ITGB3: variants seen among roughly 807,000 people sequenced by gnomAD.
ITGB3 encodes the protein integrin beta-3.
In ITGB3, 48 loss-of-function variants were observed where a neutral mutation model predicts 85.8. The ratio of observed to expected loss-of-function variants is 0.56; its 90% CI spans 0.44 to 0.71. The LOEUF is 0.71. Among genes scored for constraint, ITGB3 ranks in the 30% least tolerant of loss-of-function variants. ITGB3 has a pLI of 0.00. For synonymous variants in ITGB3, 363 were observed against 395.6 expected, an observed-to-expected ratio of 0.92 and a Z score of 0.98; for missense variants, 861 against 1,019.1, an observed-to-expected ratio of 0.84 and a Z score of 2.11.
chr17:47,259,702 C>T (rs2065002509), intron 1 of ITGB3, among the ~76,000 whole-genome samples: 1 of 152,130 alleles, frequency 6.6e-6, no homozygotes. Context: ...GAGTTCAAGA[C>T]CAGCCTGACC....
chr17:47,303,288 G>A (rs536995933), intron 13 of ITGB3, among the ~76,000 whole-genome samples: 1 of 151,778 alleles, frequency 6.6e-6, no homozygotes, highest in South Asian at 2.1e-4. Context: ...AAAAAAAAAC[G>A]ATAAGTTAGG....
chr17:47,286,526 C>A, intron 5 of ITGB3, 104 bp downstream of exon 5: 1 of 1,362,228 alleles, frequency 7.3e-7, no homozygotes, highest in Non-Finnish European at 1.0e-6. Context: ...GAGATGAGAA[C>A]TAAGCAGGGC....
intron 13 of ITGB3, chr17:47,305,660 G>A (rs1411991940): frequency 6.6e-6 from 1 of 152,186 alleles, no homozygotes. Context: ...AGATGACTAA[G>A]TATTTTGGGA....
intron 1 of ITGB3, among the ~76,000 whole-genome samples, chr17:47,272,289 C>T (rs1015930472): frequency 6.8e-6 from 1 of 146,608 alleles, no homozygotes; most frequent in African/African-American, 2.5e-5. Context: ...CTCCTGACCT[C>T]GTGATCCGCC....
rs192747801 is a variant in ITGB3, at chr17:47,281,593, C to G, written c.166-1761C>G. Among the ~76,000 whole-genome samples, 347 of 152,278 alleles carry G rather than the reference C, an allele frequency of 2.3e-3. 3 individuals carry two copies. The highest frequency in any genetic ancestry group is 3.4e-3 in the Middle Eastern group (1 of 294). ...CCTTCAATACTCAGGTTTAAGCACC[C>G]AGAGCCCCAGGGGGCCGTGGGTTTT... On this transcript the variant is annotated intron_variant, in intron 2 of 14. Coordinates refer to ENST00000559488, the MANE Select transcript of ITGB3 (RefSeq NM_000212.3).
intron 12 of ITGB3, among the ~76,000 whole-genome samples, chr17:47,301,160 C>A (rs1302519474): frequency 2.0e-5 from 3 of 152,144 alleles, no homozygotes; most frequent in Non-Finnish European, 4.4e-5. Context: ...AAAAATCTTG[C>A]CTGCAATTAT....
intron 14 of ITGB3, among the ~76,000 whole-genome samples, chr17:47,308,103 T>C (rs552529613): frequency 6.7e-6 from 1 of 150,364 alleles, no homozygotes; most frequent in East Asian, 1.9e-4. Context: ...TAGGTAGAGG[T>C]TGTAGTGAGC....
At chr17:47,288,577 G>A (rs1439169967) in intron 6 of ITGB3, among the ~76,000 whole-genome samples, 1 of 152,186 alleles carries the variant, frequency 6.6e-6, no homozygotes, top group Non-Finnish European at 1.5e-5. Flanking sequence ...AGGAGACTGA[G>A]CTGAGGATCT....
chr17:47,258,362 C>T (rs535908217), intron 1 of ITGB3, among the ~76,000 whole-genome samples: 3 of 152,112 alleles, frequency 2.0e-5, no homozygotes, highest in African/African-American at 4.8e-5. Flanking sequence ...TTTATTGAAA[C>T]GTGAGACTCT....
At chr17:47,285,296 A>G (rs1249382299) in intron 4 of ITGB3, among the ~76,000 whole-genome samples, 1 of 152,152 alleles carries the variant, frequency 6.6e-6, no homozygotes, top group Non-Finnish European at 1.5e-5. Flanking sequence ...GAGCCTGAAA[A>G]GGTGTGAATT....
At chr17:47,296,152 C>G (rs2065145258) in intron 10 of ITGB3, among the ~76,000 whole-genome samples, 1 of 152,212 alleles carries the variant, frequency 6.6e-6, no homozygotes, top group Admixed American at 6.5e-5. Flanking sequence ...CGGGACACAG[C>G]CTTTCTGCTT....
intron 1 of ITGB3, among the ~76,000 whole-genome samples, chr17:47,263,404 G>A (rs1473632753): frequency 6.6e-6 from 1 of 152,108 alleles, no homozygotes; most frequent in Non-Finnish European, 1.5e-5. Flanking sequence ...TGAAGTGTCA[G>A]CTCCACAGAG....
At position 47,299,450 on chromosome 17, in the gene ITGB3, C is replaced by T. The variant is rs898481102; in HGVS notation, c.1833C>T (p.Ser611=). 1.9e-6 allele frequency: 3 copies of T among 1,614,140 alleles called. No homozygotes were observed. The highest frequency in any genetic ancestry group is 1.7e-6 in the Non-Finnish European group (2 of 1,180,066). The change falls in exon 11 of 15, where the codon AGC becomes AGT. Residue 611 remains serine (S), a synonymous_variant. Coordinates refer to ENST00000559488, the MANE Select transcript of ITGB3 (RefSeq NM_000212.3). This position sits in a 1 kb window ranked among gnomAD's most constrained non-coding sequence, Gnocchi z 5.1. ...GCCGCGGCAAGTGTGAATGTGGCAG[C>T]TGTGTCTGTATCCAGCCGGGCTCCT... ...CSGRGKCECG[S]CVCIQPGSYG...
chr17:47,266,693 T>G (rs2065026972), intron 1 of ITGB3, among the ~76,000 whole-genome samples: 1 of 152,182 alleles, frequency 6.6e-6, no homozygotes, highest in Non-Finnish European at 1.5e-5. Context: ...TTTTCCTGCC[T>G]CAGCCTCCTG....
rs748683972 is a variant in ITGB3, at chr17:47,294,041, C to CT, written c.1690+1480dup. ...CATGTCAGTAACATAAAAATGACTG[C>CT]TTTTTTTATTATCTACGACATTGTT... On this transcript the variant is annotated intron_variant, in intron 10 of 14. Transcript: ENST00000559488. Among the ~76,000 whole-genome samples the CT allele has an allele frequency of 6.6e-5, 10 of 152,260 alleles. No individual in the cohort carries two copies. The East Asian group carries it at 1.2e-3, about 18-fold the overall frequency.
intron 10 of ITGB3, among the ~76,000 whole-genome samples, chr17:47,294,806 C>T (rs1036386538): frequency 3.9e-5 from 6 of 152,244 alleles, no homozygotes; most frequent in Non-Finnish European, 8.8e-5. Context: ...CTTGCCAGAG[C>T]TGCTGGCTCT....
At position 47,286,166 on chromosome 17, in the gene ITGB3, CACT is replaced by C. The variant is rs1377374325; in HGVS notation, c.615-92_615-90del. 4 of 1,412,980 alleles carry C rather than the reference CACT, an allele frequency of 2.8e-6. No homozygotes were observed. In the East Asian group the frequency reaches 6.8e-5, roughly 24 times the overall value. 87.5% of individuals were successfully genotyped at this position (1,412,980 alleles called of 1,614,324 possible). On this transcript the variant is annotated intron_variant, in intron 4 of 14. Transcript: ENST00000559488. ...TTGTATGGAACTGGCCTTGGCATAC[CACT>C]ATCTATATTTGTCCCCTCTCTTTCC... is the stretch of plus-strand genomic sequence containing the variant.
chr17:47,286,492 C>A (rs2065103388), intron 5 of ITGB3, 70 bp downstream of exon 5: 2 of 1,576,418 alleles, frequency 1.3e-6, no homozygotes, highest in Non-Finnish European at 1.7e-6. Context: ...AGTGACTGAA[C>A]TCTGGGGATT....
intron 1 of ITGB3, among the ~76,000 whole-genome samples, chr17:47,273,019 C>T (rs1182417061): frequency 6.6e-6 from 1 of 152,216 alleles, no homozygotes; most frequent in African/African-American, 2.4e-5. Flanking sequence ...AAGTGATCCG[C>T]CTGCCTCGTC....
Sources: allele counts gnomAD v4.1 joint callset (sites outside exome capture counted in the v4.1 genomes callset), GRCh38; gene constraint gnomAD v4.1.1; non-coding constraint Gnocchi (gnomAD v3.1); transcripts MANE v1.5; gene names NCBI Gene and HGNC (gene_info 2026-07-23, HGNC 2026-07-21).